The following PTPRD variants were observed in gnomAD, a reference collection of about 807,000 sequenced individuals.
PTPRD encodes protein tyrosine phosphatase receptor type D.
PTPRD carries 34 observed loss-of-function variants against 214.5 expected under a neutral mutation model. The ratio of observed to expected loss-of-function variants is 0.16; its 90% CI spans 0.12 to 0.21. PTPRD has a LOEUF of 0.21. PTPRD is among the 10% of genes least tolerant of loss of function. The probability of loss-of-function intolerance (pLI) is 1.00; values close to 1 mark genes in which losing one functional copy is unlikely to be tolerated. For missense variants in PTPRD, 2,545 were observed against 2,398.7 expected (o/e 1.06, Z -1.27); for synonymous variants, 1,128 against 845.7 (o/e 1.33, Z -5.79).
intron 9 of PTPRD, among the ~76,000 whole-genome samples, chr9:9,273,687 G>A (rs1440557237): frequency 6.6e-6 from 1 of 151,144 alleles, no homozygotes; most frequent in Non-Finnish European, 1.5e-5. Context: ...GTTTCCATAT[G>A]ACCCAGTGGG....
chr9:10,193,876 T>A (rs2099385291), intron 3 of PTPRD, among the ~76,000 whole-genome samples: 1 of 152,054 alleles, frequency 6.6e-6, no homozygotes, highest in African/African-American at 2.4e-5. Flanking sequence ...AAAATTAAAT[T>A]AAGGAAACAT....
chr9:9,934,562 T>G lies in PTPRD; in HGVS notation c.-368+3945A>C, dbSNP rs1049669120. Among the ~76,000 whole-genome samples, 60 of 151,344 alleles carry G rather than the reference T, an allele frequency of 4.0e-4. 1 individual carries two copies. In the East Asian group the frequency reaches 8.0e-3, roughly 20 times the overall value. On this transcript the variant is annotated intron_variant, in intron 5 of 45. Transcript: ENST00000381196. ...ATCTCTGAATAGACCAATAACAGGA[T>G]CTGAAATTATGGCAATAATCAATAG...
chr9:9,901,470 T>G (rs1729050673), intron 5 of PTPRD, among the ~76,000 whole-genome samples: 1 of 152,036 alleles, frequency 6.6e-6, no homozygotes, highest in African/African-American at 2.4e-5. Context: ...TGATGCTACA[T>G]TAACACAGTA....
At chr9:8,488,627 G>C (rs568337624) in intron 27 of PTPRD, among the ~76,000 whole-genome samples, 7 of 152,290 alleles carry the variant, frequency 4.6e-5, no homozygotes, top group African/African-American at 1.4e-4. Flanking sequence ...GAAACTGTGT[G>C]AACTATTCCA....
intron 2 of PTPRD, among the ~76,000 whole-genome samples, chr9:10,438,508 T>C (rs1268769291): frequency 1.3e-5 from 2 of 151,710 alleles, no homozygotes; most frequent in Non-Finnish European, 2.9e-5. Flanking sequence ...TTATGAGTCT[T>C]TGGACTCCAA....
At chr9:9,984,047 G>GA (rs1176946632) in intron 4 of PTPRD, among the ~76,000 whole-genome samples, 1 of 151,864 alleles carries the variant, frequency 6.6e-6, no homozygotes, top group African/African-American at 2.4e-5. Flanking sequence ...GCAGTGATTG[G>GA]AAAAATGACT....
chr9:9,468,095 T>C (rs1428968568), intron 8 of PTPRD, among the ~76,000 whole-genome samples: 11 of 152,106 alleles, frequency 7.2e-5, no homozygotes, highest in African/African-American at 2.2e-4. Flanking sequence ...TTGTAGAACT[T>C]ACTCCTACTA....
At chr9:9,370,304 T>C (rs941876630) in intron 9 of PTPRD, among the ~76,000 whole-genome samples, 5 of 152,076 alleles carry the variant, frequency 3.3e-5, no homozygotes, top group African/African-American at 1.2e-4. Context: ...TGGTTTGTAG[T>C]TCTCCTTGAA....
intron 11 of PTPRD, chr9:8,961,981 CCA>C (rs1397663945): frequency 6.6e-6 from 1 of 152,074 alleles, no homozygotes; most frequent in Admixed American, 6.6e-5. Context: ...GTGGAAAAAT[CCA>C]GTCAATGCGA....
At chr9:9,128,902 T>C (rs2099838284) in intron 10 of PTPRD, among the ~76,000 whole-genome samples, 1 of 152,228 alleles carries the variant, frequency 6.6e-6, no homozygotes, top group African/African-American at 2.4e-5. Flanking sequence ...TAAACAAATG[T>C]TAAATGTAAC....
Position 8,518,163 on chromosome 9 carries a change from T to C in PTPRD, c.1228A>G (p.Thr410Ala), listed in dbSNP as rs2138531723. 1 of 1,614,184 alleles carries C rather than the reference T, an allele frequency of 6.2e-7. No homozygotes were observed. The highest frequency in any genetic ancestry group is 8.5e-7 in the Non-Finnish European group (1 of 1,180,028). The stretch of plus-strand genomic sequence containing the variant: ...GATGGTGCTTGCTCTGAGGTTTGTG[T>C]TAGCACAGGTTCGCTGGGAGGCCCC... ...GRGPPSEPVL[T>A]QTSEQAPSSA... is the part of the protein sequence containing the mutation. The change falls in exon 21 of 46, where the codon ACA (threonine) becomes GCA (alanine). Residue 410 changes from threonine to alanine, a missense_variant. By Grantham distance (58) the Thr-to-Ala change is moderately conservative (BLOSUM62 0). Coordinates refer to ENST00000381196, the MANE Select transcript of PTPRD (RefSeq NM_002839.4).
At chr9:10,560,050 A>T (rs922851767) in intron 2 of PTPRD, among the ~76,000 whole-genome samples, 1 of 152,182 alleles carries the variant, frequency 6.6e-6, no homozygotes, top group Non-Finnish European at 1.5e-5. Context: ...CCAGCCATCC[A>T]TTACTGGGTA....
In PTPRD at chr9:10,220,324, C is replaced by A. The variant is rs536467402; in HGVS notation, c.-545+120639G>T. 2.0e-5 allele frequency among the ~76,000 whole-genome samples: 3 copies of A among 151,978 alleles called. No homozygotes were observed. In the South Asian group the frequency reaches 6.2e-4, roughly 32 times the overall value. ...ATGTTAATTATACGAGCTTTCACTG[C>A]AACCCTAGAAACTATTTGGTGAAAT... On this transcript the variant is annotated intron_variant, in intron 3 of 45. Transcript: ENST00000381196.
chr9:9,052,154 G>A (rs546666152), intron 10 of PTPRD, among the ~76,000 whole-genome samples: 7 of 152,224 alleles, frequency 4.6e-5, no homozygotes, highest in African/African-American at 1.7e-4. Flanking sequence ...CCTTCTCGCT[G>A]TGCTCCCACA....
intron 35 of PTPRD, among the ~76,000 whole-genome samples, chr9:8,406,067 C>T (rs1376977132): frequency 1.3e-5 from 2 of 152,074 alleles, no homozygotes; most frequent in Non-Finnish European, 2.9e-5. Context: ...CTGTGTTAAT[C>T]TATATACAAA....
chr9:10,572,416 G>A (rs569768545), intron 2 of PTPRD, among the ~76,000 whole-genome samples: 1 of 152,162 alleles, frequency 6.6e-6, no homozygotes, highest in Admixed American at 6.5e-5. Flanking sequence ...TTGTCTTCTG[G>A]ACAAATCATC....
At chr9:9,328,986 C>G (rs16929161) in intron 9 of PTPRD, among the ~76,000 whole-genome samples, 2,613 of 151,892 alleles carry the variant, frequency 0.017, 76 homozygotes, top group African/African-American at 0.061. Context: ...TTGAAGATTG[C>G]GTAAAAATTG....
chr9:10,584,210 A>G (rs1223680954), intron 2 of PTPRD, among the ~76,000 whole-genome samples: 1 of 152,026 alleles, frequency 6.6e-6, no homozygotes, highest in Non-Finnish European at 1.5e-5. Context: ...AAAAAAAAAG[A>G]AAGGCTCTTA....
At chr9:10,149,823 C>T (rs539594269) in intron 3 of PTPRD, among the ~76,000 whole-genome samples, 30 of 151,704 alleles carry the variant, frequency 2.0e-4, no homozygotes, top group African/African-American at 6.3e-4. Flanking sequence ...CTTTGCCTCC[C>T]GGGTTCAAGC....
Sources: allele counts gnomAD v4.1 joint callset (sites outside exome capture counted in the v4.1 genomes callset), GRCh38; gene constraint gnomAD v4.1.1; transcripts MANE v1.5; gene names NCBI Gene and HGNC (gene_info 2026-07-23, HGNC 2026-07-21).